The following CDH12 variants were observed in gnomAD, a reference collection of about 807,000 sequenced individuals.
The protein encoded by CDH12 is cadherin-12.
In CDH12, 41 loss-of-function variants were observed where a neutral mutation model predicts 74.1. The ratio of observed to expected loss-of-function variants is 0.55; its 90% CI spans 0.43 to 0.72. CDH12 has a LOEUF of 0.72. CDH12 is among the 30% of genes least tolerant of loss of function. The pLI, the probability that CDH12 is intolerant of heterozygous loss-of-function variation, is 0.00. For synonymous variants in CDH12, 399 were observed against 355.0 expected (o/e 1.12, Z -1.39); for missense variants, 945 against 977.2 (o/e 0.97, Z 0.44).
intron 8 of CDH12, among the ~76,000 whole-genome samples, chr5:21,834,911 C>T (rs575939135): frequency 1.3e-5 from 2 of 152,010 alleles, no homozygotes; most frequent in African/African-American, 4.8e-5. Flanking sequence ...AGCCATACTT[C>T]CTTGGTATTT....
intron 2 of CDH12, among the ~76,000 whole-genome samples, chr5:22,425,303 G>T (rs1436046242): frequency 6.6e-6 from 1 of 151,092 alleles, no homozygotes; most frequent in Non-Finnish European, 1.5e-5. Context: ...TTTTGTGAGT[G>T]TGGTAGTTTA....
At chr5:22,833,527 A>G (rs1736706035) in intron 1 of CDH12, among the ~76,000 whole-genome samples, 1 of 152,210 alleles carries the variant, frequency 6.6e-6, no homozygotes, top group Non-Finnish European at 1.5e-5. Context: ...ATTGCATAGC[A>G]AAATATTTTC....
At chr5:22,820,762 A>G (rs1749656080) in intron 1 of CDH12, among the ~76,000 whole-genome samples, 1 of 152,172 alleles carries the variant, frequency 6.6e-6, no homozygotes, top group Non-Finnish European at 1.5e-5. Context: ...AATCAAAAAA[A>G]GTCCAGAACC....
At chr5:22,027,380 G>A (rs867107631) in intron 5 of CDH12, among the ~76,000 whole-genome samples, 1 of 152,296 alleles carries the variant, frequency 6.6e-6, no homozygotes. Flanking sequence ...AATAGTTTCA[G>A]AAGGAATGGT....
chr5:22,394,957 T>G (rs1742397611), intron 3 of CDH12, among the ~76,000 whole-genome samples: 1 of 152,124 alleles, frequency 6.6e-6, no homozygotes, highest in Admixed American at 6.6e-5. Flanking sequence ...TGCATATAGA[T>G]TCACATAAAT....
chr5:22,346,900 G>T (rs1740139450), intron 3 of CDH12, among the ~76,000 whole-genome samples: 1 of 152,036 alleles, frequency 6.6e-6, no homozygotes, highest in African/African-American at 2.4e-5. Context: ...AAGAAGAAAA[G>T]AAAAAAACCT....
At chr5:22,521,943 A>AAT (rs201251852) in intron 1 of CDH12, among the ~76,000 whole-genome samples, 1,973 of 152,302 alleles carry the variant, frequency 0.013, 15 homozygotes, top group Non-Finnish European at 0.022. Context: ...CAAATTAGCA[A>AAT]AAAGTTGTTG....
At chr5:22,708,983 G>A (rs1743160486) in intron 1 of CDH12, among the ~76,000 whole-genome samples, 1 of 152,110 alleles carries the variant, frequency 6.6e-6, no homozygotes, top group Non-Finnish European at 1.5e-5. Flanking sequence ...AAGAGCACAG[G>A]GGGCAGGTCT....
At chr5:22,203,255 C>T (rs911371573) in intron 4 of CDH12, among the ~76,000 whole-genome samples, 2 of 152,106 alleles carry the variant, frequency 1.3e-5, no homozygotes, top group Non-Finnish European at 2.9e-5. Context: ...TTTCCCTCCC[C>T]CCGCCACAGC....
chr5:22,273,773 A>G (rs188118661), intron 3 of CDH12, among the ~76,000 whole-genome samples: 2 of 152,202 alleles, frequency 1.3e-5, no homozygotes, highest in East Asian at 1.9e-4. Flanking sequence ...TGAGGTGGGA[A>G]TACTGCTTGG....
At chr5:22,247,031 T>C (rs1455380533) in intron 3 of CDH12, among the ~76,000 whole-genome samples, 1 of 152,206 alleles carries the variant, frequency 6.6e-6, no homozygotes, top group African/African-American at 2.4e-5. Context: ...ATACAAATTC[T>C]GGACTAAAAT....
intron 3 of CDH12, among the ~76,000 whole-genome samples, chr5:22,288,018 C>T (rs58300443): frequency 0.35 from 53,249 of 151,846 alleles, 9,702 homozygotes; most frequent in East Asian, 0.48. Flanking sequence ...GAATGGTGCA[C>T]AGAGCATTAT....
chr5:22,187,370 C>T (rs548978757), intron 4 of CDH12, among the ~76,000 whole-genome samples: 1 of 152,144 alleles, frequency 6.6e-6, no homozygotes, highest in Non-Finnish European at 1.5e-5. Flanking sequence ...TAAACCATGC[C>T]TTTGTGTTGT....
chr5:22,059,393 ATGT>A (rs1741030376), intron 5 of CDH12, among the ~76,000 whole-genome samples: 5 of 69,474 alleles, frequency 7.2e-5, no homozygotes, highest in African/African-American at 1.5e-4. Context: ...CTATCTATCT[ATGT>A]ATCTACTTTT....
rs568084658 is a variant in CDH12 at position 22,558,114 on chromosome 5, A to C, written c.-522-52750T>G. Among the ~76,000 whole-genome samples the C allele has an allele frequency of 1.5e-4, 23 of 152,188 alleles. No homozygotes were observed. In the East Asian group the frequency reaches 4.1e-3, roughly 27 times the overall value. ...TCAGGAAAGAGAAAAAGATTAGTAG[A>C]TTTTAAAATCGCAGCAGGAGCCAGG... On this transcript the variant is annotated intron_variant, in intron 1 of 14. Coordinates refer to ENST00000382254, the MANE Select transcript of CDH12 (RefSeq NM_004061.5).
intron 1 of CDH12, among the ~76,000 whole-genome samples, chr5:22,582,039 T>C (rs1165545603): frequency 6.6e-6 from 1 of 152,056 alleles, no homozygotes; most frequent in Non-Finnish European, 1.5e-5. Context: ...TATGTGCAGA[T>C]TAAAGATTAA....
At chr5:22,713,976 A>G (rs972511029) in intron 1 of CDH12, among the ~76,000 whole-genome samples, 1 of 152,194 alleles carries the variant, frequency 6.6e-6, no homozygotes, top group African/African-American at 2.4e-5. Context: ...TGTTAAGGCC[A>G]AATTACCTTG....
At chr5:21,754,772 A>G (rs1200684551) in intron 14 of CDH12, among the ~76,000 whole-genome samples, 1 of 152,150 alleles carries the variant, frequency 6.6e-6, no homozygotes, top group East Asian at 1.9e-4. Context: ...ACCCAGTTGT[A>G]TATCTGTTGT....
chr5:22,482,356 T>C (rs1746416329), intron 2 of CDH12, among the ~76,000 whole-genome samples: 1 of 152,118 alleles, frequency 6.6e-6, no homozygotes, highest in Admixed American at 6.6e-5. Flanking sequence ...AGCTGATCAT[T>C]TGCTCTCTTG....
Sources: gnomAD v4.1 joint callset for allele counts (sites outside exome capture counted in the v4.1 genomes callset) on GRCh38, gnomAD v4.1.1 for gene constraint, MANE v1.5 for transcripts, NCBI Gene and HGNC (gene_info 2026-07-23, HGNC 2026-07-21) for gene names.